STRBP: variants seen among roughly 807,000 people sequenced by gnomAD.
STRBP encodes the protein spermatid perinuclear RNA-binding protein.
STRBP carries 13 observed loss-of-function variants against 80.1 expected under a neutral mutation model. The observed-to-expected ratio is 0.16, with a 90% CI of 0.11 to 0.26. The LOEUF (loss-of-function observed/expected upper bound fraction) is 0.26, where lower values mean the gene tolerates loss of function less well. Ranked by LOEUF, STRBP falls within the 10% of genes least tolerant of loss-of-function variation. The pLI is 1.00. For missense variants in STRBP, 485 were observed against 815.2 expected, an observed-to-expected ratio of 0.59 and a Z score of 4.93; for synonymous variants, 284 against 291.2, an observed-to-expected ratio of 0.98 and a Z score of 0.25.
Position 123,184,256 on chromosome 9 carries a change from G to A in STRBP, c.-122C>T, listed in dbSNP as rs145188829. 7.9e-6 allele frequency: 7 copies of A among 884,306 alleles called. No individual in the cohort carries two copies. In the African/African-American group the frequency reaches 8.4e-5, roughly 11 times the overall value. 54.8% of individuals were successfully genotyped at this position (884,306 alleles called of 1,614,324 possible). A position where few individuals can be genotyped will look rare whatever the true frequency, so the allele number is the denominator to read the frequency against. On this transcript the variant is annotated 5_prime_UTR_variant, in exon 3 of 19. In the 5' UTR this introduces an upstream ATG that the reference lacks. Coordinates refer to ENST00000348403, the MANE Select transcript of STRBP (RefSeq NM_018387.5). The stretch of plus-strand genomic sequence containing the variant: ...AGCCTGAGTCCCCTGACAGCTCAGC[G>A]TCAATATAGCAAATGTCTGAAGGCT...
chr9:123,220,390 G>A (rs1239978458), intron 2 of STRBP, among the ~76,000 whole-genome samples: 4 of 152,204 alleles, frequency 2.6e-5, no homozygotes, highest in Admixed American at 1.3e-4. Context: ...TACCAAATAC[G>A]GTTGTAGGCA....
intron 2 of STRBP, among the ~76,000 whole-genome samples, chr9:123,202,240 G>A (rs2039353734): frequency 1.3e-5 from 2 of 152,184 alleles, no homozygotes; most frequent in East Asian, 1.9e-4. Flanking sequence ...GAGATGTGAA[G>A]TATCATTCTC....
chr9:123,148,982 A>G (rs1360335327), intron 11 of STRBP, among the ~76,000 whole-genome samples: 1 of 152,202 alleles, frequency 6.6e-6, no homozygotes, highest in Non-Finnish European at 1.5e-5. Context: ...AAAAGGCAGC[A>G]GTTTTGCTGT....
chr9:123,231,830 A>G (rs1199069977), intron 2 of STRBP, among the ~76,000 whole-genome samples: 2 of 152,110 alleles, frequency 1.3e-5, no homozygotes, highest in African/African-American at 4.8e-5. Flanking sequence ...AGTTCTTCAT[A>G]AACTGGCCTG....
chr9:123,166,776 C>T (rs1056771545), intron 6 of STRBP, among the ~76,000 whole-genome samples: 1 of 151,412 alleles, frequency 6.6e-6, no homozygotes, highest in Non-Finnish European at 1.5e-5. Context: ...ACAACAACAA[C>T]AACAACAACA....
intron 11 of STRBP, among the ~76,000 whole-genome samples, chr9:123,150,829 A>G (rs546566409): frequency 6.6e-6 from 1 of 152,280 alleles, no homozygotes; most frequent in South Asian, 2.1e-4. Context: ...GTTATACACT[A>G]GAAGTAAGAT....
intron 3 of STRBP, chr9:123,113,186 C>T (rs2035595125): frequency 6.0e-6 from 1 of 167,232 alleles, no homozygotes; most frequent in African/African-American, 2.4e-5. Context: ...CATGGTCCTC[C>T]ATAGCCAGTG....
downstream of STRBP, among the ~76,000 whole-genome samples, chr9:123,120,988 C>T (rs868174907): frequency 9.2e-5 from 14 of 152,298 alleles, no homozygotes; most frequent in African/African-American, 3.1e-4. Flanking sequence ...TTGTAATAGG[C>T]CCAATTCCAA....
intron 13 of STRBP, among the ~76,000 whole-genome samples, chr9:123,146,390 TA>T (rs1445742370): frequency 6.6e-6 from 1 of 151,914 alleles, no homozygotes; most frequent in Non-Finnish European, 1.5e-5. Flanking sequence ...GGAGAATGTT[TA>T]AACAAATAGT....
At chr9:123,247,292 G>A (rs947956681) in intron 1 of STRBP, among the ~76,000 whole-genome samples, 12 of 151,920 alleles carry the variant, frequency 7.9e-5, no homozygotes, top group South Asian at 4.2e-4. Flanking sequence ...TTTTTGAGAC[G>A]GAGTTTTGCT....
intron 2 of STRBP, among the ~76,000 whole-genome samples, chr9:123,205,932 T>G (rs1010721925): frequency 5.9e-5 from 9 of 152,196 alleles, no homozygotes; most frequent in Non-Finnish European, 8.8e-5. Context: ...TACTGATATT[T>G]ATGAAAAACC....
At chr9:123,220,327 A>C (rs2132553239) in intron 2 of STRBP, among the ~76,000 whole-genome samples, 1 of 152,352 alleles carries the variant, frequency 6.6e-6, no homozygotes, top group South Asian at 2.1e-4. Flanking sequence ...CTATACACCT[A>C]GGTTATTATA....
rs777043894 is a variant in STRBP, at chr9:123,187,217, T to C, written c.-164-2919A>G. On this transcript the variant is annotated intron_variant, in intron 2 of 18. Transcript: ENST00000348403. ...ATCTAGACAATCCTCTTTAATACTG[T>C]TTTGGCTCTAAAGGACTTACATTTC... 8.6e-5 allele frequency among the ~76,000 whole-genome samples: 13 copies of C among 151,854 alleles called. 1 individual carries two copies. Among genetic ancestry groups the C allele is most frequent in the African/African-American group, 3.1e-4 (13 of 41,320 alleles).
In STRBP at chr9:123,115,195, G is replaced by A. The variant is rs1400757778; in HGVS notation, c.*84+734C>T. 2 of 470,948 alleles carry A rather than the reference G, an allele frequency of 4.2e-6. No individual in the cohort carries two copies. The highest frequency in any genetic ancestry group is 4.7e-5 in the Admixed American group (2 of 42,568). The allele number at this position is 470,948 out of a possible 1,614,324, so 29.2% of individuals were successfully genotyped here. On this transcript the variant is annotated intron_variant and NMD_transcript_variant, in intron 3 of 3. Coordinates refer to the STRBP transcript ENST00000471564. This position sits in a 1 kb window ranked among gnomAD's most constrained non-coding sequence, Gnocchi z 5.0. ...AAGGCCCTTCACACTCCCCAAGTGG[G>A]CACACTCTCTCTGTGCATGCATGCC...
chr9:123,248,471 C>T (rs1483217027), intron 1 of STRBP, among the ~76,000 whole-genome samples: 3 of 151,780 alleles, frequency 2.0e-5, no homozygotes, highest in Non-Finnish European at 4.4e-5. Context: ...GGTGTTTTAC[C>T]ATGTTGGCCA....
intron 1 of STRBP, among the ~76,000 whole-genome samples, chr9:123,247,455 G>A (rs745779797): frequency 7.0e-4 from 106 of 152,106 alleles, no homozygotes; most frequent in African/African-American, 2.5e-3. Flanking sequence ...TTTTAGTAGA[G>A]ACAGGGTTTT....
At chr9:123,157,912 G>A (rs1472119324) in intron 11 of STRBP, 100 bp downstream of exon 11, 1 of 873,784 alleles carries the variant, frequency 1.1e-6, no homozygotes, top group Non-Finnish European at 1.8e-6. Flanking sequence ...TGATTTGGAT[G>A]CACAATTATT....
intron 2 of STRBP, among the ~76,000 whole-genome samples, chr9:123,185,605 C>T (rs113794857): frequency 7.9e-5 from 12 of 152,184 alleles, no homozygotes; most frequent in African/African-American, 2.9e-4. Context: ...ATACTAAATA[C>T]AATACTAAAA....
intron 4 of STRBP, among the ~76,000 whole-genome samples, chr9:123,174,402 C>A (rs190917242): frequency 6.6e-6 from 1 of 152,338 alleles, no homozygotes; most frequent in East Asian, 1.9e-4. Flanking sequence ...TGCACCACTG[C>A]ACTCCAGCGT....
Sources: gnomAD v4.1 joint callset for allele counts (sites outside exome capture counted in the v4.1 genomes callset) on GRCh38, gnomAD v4.1.1 for gene constraint, Gnocchi (gnomAD v3.1) non-coding constraint, MANE v1.5 for transcripts, NCBI Gene and HGNC (gene_info 2026-07-23, HGNC 2026-07-21) for gene names.